CDH23: variants seen among roughly 807,000 people sequenced by gnomAD.
CDH23 encodes the protein cadherin-23.
Under a neutral mutation model 317.1 loss-of-function variants are expected in CDH23, and 189 were observed. The observed-to-expected ratio is 0.60, with a 90% CI of 0.53 to 0.67. CDH23 has a LOEUF of 0.67. Among genes scored for constraint, CDH23 ranks in the 30% least tolerant of loss-of-function variants. The pLI is 0.00. For missense variants in CDH23, 4,401 were observed against 4,592.4 expected, an observed-to-expected ratio of 0.96 and a Z score of 1.20; for synonymous variants, 1,839 against 1,876.8, an observed-to-expected ratio of 0.98 and a Z score of 0.52.
chr10:71,723,770 A>G (rs1866676431), intron 28 of CDH23, among the ~76,000 whole-genome samples: 1 of 152,094 alleles, frequency 6.6e-6, no homozygotes, highest in South Asian at 2.1e-4. Flanking sequence ...GCCATCTTTC[A>G]CCTTCTCCCC....
chr10:71,533,365 A>G (rs917654330), intron 6 of CDH23, among the ~76,000 whole-genome samples: 31 of 152,110 alleles, frequency 2.0e-4, no homozygotes, highest in Non-Finnish European at 4.4e-5. Flanking sequence ...TTAGCCTTTG[A>G]TTTTATGGGT....
Position 71,784,988 on chromosome 10 carries a change from C to A in CDH23, c.5600C>A (p.Ser1867Tyr). The A allele has an allele frequency of 6.2e-7, 1 of 1,614,086 alleles. No homozygotes were observed. Among genetic ancestry groups the A allele is most frequent in the Admixed American group, 1.7e-5 (1 of 60,032 alleles). The change falls in exon 43 of 70, where the codon TCC becomes TAC. Residue 1867 changes from serine to tyrosine, a missense_variant. Coordinates refer to ENST00000224721, the MANE Select transcript of CDH23 (RefSeq NM_022124.6). ...ACCATCAGCGAGAACAGCCCTGTCT[C>A]CAGCTTTGTCGCCCATGTCCTGGCC... ...NITISENSPV[S>Y]SFVAHVLASD...
At chr10:71,492,090 G>C (rs1397251819) in intron 3 of CDH23, among the ~76,000 whole-genome samples, 2 of 152,198 alleles carry the variant, frequency 1.3e-5, no homozygotes, top group African/African-American at 4.8e-5. Flanking sequence ...GTCTCCAGGA[G>C]TGAAATTACT....
chr10:71,559,353 C>T (rs748089039), intron 6 of CDH23, among the ~76,000 whole-genome samples: 5 of 152,146 alleles, frequency 3.3e-5, no homozygotes, highest in African/African-American at 9.7e-5. Flanking sequence ...CCATGTTTAC[C>T]ACAAAATCCT....
intron 6 of CDH23, among the ~76,000 whole-genome samples, chr10:71,541,925 A>G (rs150444339): frequency 5.0e-4 from 76 of 152,344 alleles, no homozygotes; most frequent in Non-Finnish European, 8.8e-4. Flanking sequence ...AAGCACTTAA[A>G]AATGTAAAAA....
At chr10:71,525,857 G>C (rs925351982) in intron 6 of CDH23, among the ~76,000 whole-genome samples, 9 of 152,216 alleles carry the variant, frequency 5.9e-5, no homozygotes, top group Non-Finnish European at 1.3e-4. Flanking sequence ...AGGCATGCTA[G>C]AGTGTTGCTT....
intron 3 of CDH23, among the ~76,000 whole-genome samples, chr10:71,476,837 C>T (rs111901446): frequency 0.013 from 1,924 of 152,282 alleles, 44 homozygotes; most frequent in African/African-American, 0.043. Context: ...CAGCCGGACA[C>T]GCCTCCTCTC....
At chr10:71,713,539 A>G in intron 28 of CDH23, 1 of 502,054 alleles carries the variant, frequency 2.0e-6, no homozygotes, top group Non-Finnish European at 3.6e-6. Flanking sequence ...CATCGGGACC[A>G]GGAGGCGGGC....
intron 44 of CDH23, 130 bp downstream of exon 44, chr10:71,785,868 T>C: frequency 1.4e-6 from 1 of 697,134 alleles, no homozygotes; most frequent in Non-Finnish European, 2.6e-6. Flanking sequence ...ACGTGCTGGC[T>C]TCAAATCCCA....
rs1021591867 is a variant in CDH23 at position 71,709,296 on chromosome 10, A to G, written c.3220+85A>G. 6 of 1,225,460 alleles carry G rather than the reference A, an allele frequency of 4.9e-6. No homozygotes were observed. The Admixed American group carries it at 1.2e-4, about 23-fold the overall frequency. The allele number at this position is 1,225,460 out of a possible 1,614,324, so 75.9% of individuals were successfully genotyped here. A position where few individuals can be genotyped will look rare whatever the true frequency, so the allele number is the denominator to read the frequency against. On this transcript the variant is annotated intron_variant, in intron 27 of 69. Coordinates refer to ENST00000224721, the MANE Select transcript of CDH23 (RefSeq NM_022124.6). ...CTCCCAGGAGCTGGCCTTTTGCTAA[A>G]GGCTGAACTCTGCCCAGATGCCAGT...
intron 20 of CDH23, among the ~76,000 whole-genome samples, chr10:71,692,953 A>C (rs1024589506): frequency 7.9e-5 from 12 of 152,202 alleles, no homozygotes; most frequent in Admixed American, 5.9e-4. Context: ...CTCTGCATGG[A>C]AGTCACACTA....
intron 1 of CDH23, among the ~76,000 whole-genome samples, chr10:71,399,235 C>T (rs942870460): frequency 1.3e-5 from 2 of 152,214 alleles, no homozygotes; most frequent in African/African-American, 2.4e-5. Flanking sequence ...CATGCAGCGT[C>T]GGCATCACCT....
At chr10:71,501,382 G>A (rs1589140863) in intron 3 of CDH23, among the ~76,000 whole-genome samples, 2 of 152,182 alleles carry the variant, frequency 1.3e-5, no homozygotes, top group Non-Finnish European at 2.9e-5. Context: ...GCACAGGAGT[G>A]AAGCTGGCCT....
At chr10:71,728,766 T>A (rs762049015) in intron 30 of CDH23, among the ~76,000 whole-genome samples, 1 of 152,148 alleles carries the variant, frequency 6.6e-6, no homozygotes, top group Non-Finnish European at 1.5e-5. Flanking sequence ...CACCCCAGCA[T>A]AGAGCAAAGA....
chr10:71,795,823 G>A (rs1211666963), intron 48 of CDH23: 7 of 987,304 alleles, frequency 7.1e-6, no homozygotes, highest in African/African-American at 1.7e-5. Flanking sequence ...CTTCCTCATG[G>A]CTGGCAGGCC....
chr10:71,409,677 G>T (rs1312210627), intron 1 of CDH23, among the ~76,000 whole-genome samples: 2 of 152,074 alleles, frequency 1.3e-5, no homozygotes, highest in African/African-American at 4.8e-5. Flanking sequence ...GTCAGCAGGG[G>T]CCTGACCCCT....
At position 71,807,650 on chromosome 10, in the gene CDH23, C is replaced by A. The variant is rs768583951; in HGVS notation, c.8443C>A (p.Arg2815Ser). Residue 2815 changes from arginine to serine, a missense_variant, in exon 59 of 70, where the codon CGT becomes AGT. Physicochemically the swap from Arg to Ser is moderately radical, Grantham distance 110 (BLOSUM62 -1). Around this residue, in one of 3 missense-constraint regions of CDH23, gnomAD observed 1,144 missense variants for 1,138.2 expected, o/e 1.01. Coordinates refer to ENST00000224721, the MANE Select transcript of CDH23 (RefSeq NM_022124.6). Reference sequence around the variant, plus strand: ...CAGCAATCGCAGCTGGACACCTCCCCGTGGACCCTCCCCAACCCTCGACCT... The same window carrying A: ...CAGCAATCGCAGCTGGACACCTCCCAGTGGACCCTCCCCAACCCTCGACCT... The part of the protein sequence containing the change: ...ASSNRSWTPP[R>S]GPSPTLDLVA... The A allele has an allele frequency of 6.2e-7, 1 of 1,613,976 alleles. No individual in the cohort carries two copies. The highest frequency in any genetic ancestry group is 2.2e-5 in the East Asian group (1 of 44,874).
intron 14 of CDH23, chr10:71,647,142 A>G: frequency 1.0e-6 from 1 of 954,552 alleles, no homozygotes; most frequent in African/African-American, 1.8e-5. Context: ...CAAGCAAAAA[A>G]GGATTGGCTC....
chr10:71,732,930 C>G (rs1839437769), intron 32 of CDH23, among the ~76,000 whole-genome samples: 1 of 152,214 alleles, frequency 6.6e-6, no homozygotes, highest in African/African-American at 2.4e-5. Flanking sequence ...GCTCACAGCT[C>G]AGTCCCTCCC....
Sources: allele counts gnomAD v4.1 joint callset (sites outside exome capture counted in the v4.1 genomes callset), GRCh38; gene constraint gnomAD v4.1.1; regional missense constraint gnomAD v4.1.1; transcripts MANE v1.5; gene names NCBI Gene and HGNC (gene_info 2026-07-23, HGNC 2026-07-21).